RFX4: variants seen among roughly 807,000 people sequenced by gnomAD.
RFX4 encodes regulatory factor X4, also known as transcription factor RFX4.
Under a neutral mutation model 95.0 loss-of-function variants are expected in RFX4, and 10 were observed. The ratio of observed to expected loss-of-function variants is 0.11; its 90% CI spans 0.06 to 0.18. The LOEUF (loss-of-function observed/expected upper bound fraction) is 0.18. RFX4 is among the 10% of genes least tolerant of loss of function. The pLI, the probability that RFX4 is intolerant of heterozygous loss-of-function variation, is 1.00. For synonymous variants in RFX4, 321 were observed against 340.7 expected (o/e 0.94, Z 0.64); for missense variants, 640 against 922.0 (o/e 0.69, Z 3.96).
chr12:106,591,461 T>G (rs2137167415), intron 1 of RFX4, among the ~76,000 whole-genome samples: 1 of 152,086 alleles, frequency 6.6e-6, no homozygotes, highest in Non-Finnish European at 1.5e-5. Context: ...AGAGATGGGG[T>G]TTCACTATGT....
At chr12:106,692,202 C>T (rs1486482332) in intron 7 of RFX4, among the ~76,000 whole-genome samples, 1 of 151,462 alleles carries the variant, frequency 6.6e-6, no homozygotes, top group Admixed American at 6.6e-5. Context: ...GACTCGGGAA[C>T]GTCTTCTCCA....
At chr12:106,584,803 G>A (rs1440156392) in intron 1 of RFX4, among the ~76,000 whole-genome samples, 1 of 152,208 alleles carries the variant, frequency 6.6e-6, no homozygotes, top group Non-Finnish European at 1.5e-5. Flanking sequence ...CTAGAGTCAA[G>A]GCCCCGCCTG....
At chr12:106,685,635 A>AGT (rs1555231050) in intron 5 of RFX4, among the ~76,000 whole-genome samples, 3 of 152,184 alleles carry the variant, frequency 2.0e-5, no homozygotes, top group Non-Finnish European at 4.4e-5. Context: ...TATTTTTATT[A>AGT]AACTTTAAAA....
In RFX4 at chr12:106,698,593, G is replaced by A. The variant is rs529385191; in HGVS notation, c.833+2147G>A. Among the ~76,000 whole-genome samples, 14 of 152,180 alleles carry A rather than the reference G, an allele frequency of 9.2e-5. No individual in the cohort carries two copies. The South Asian group carries it at 1.7e-3, about 18-fold the overall frequency. ...TCATCAAAGTTATTTGATCAATAAC[G>A]AAAGTTACTCATCTTTAGTTTTCTT... On this transcript the variant is annotated intron_variant, in intron 8 of 17. Coordinates refer to ENST00000392842, the MANE Select transcript of RFX4 (RefSeq NM_213594.3).
chr12:106,684,712 G>A, intron 5 of RFX4: 1 of 1,492,682 alleles, frequency 6.7e-7, no homozygotes, highest in Non-Finnish European at 9.0e-7. Context: ...AGTTCCAGGT[G>A]GGAAGGCAGT....
At chr12:106,648,050 T>C (rs547213603) in intron 3 of RFX4, among the ~76,000 whole-genome samples, 17 of 152,304 alleles carry the variant, frequency 1.1e-4, no homozygotes, top group African/African-American at 4.1e-4. Flanking sequence ...AAGCAGAGGA[T>C]GTGGCTTTTC....
intron 2 of RFX4, among the ~76,000 whole-genome samples, chr12:106,610,124 A>T (rs1414506202): frequency 1.3e-5 from 2 of 151,946 alleles, no homozygotes; most frequent in Admixed American, 6.6e-5. Flanking sequence ...AGAATAAAAC[A>T]CTACTCGAGA....
At chr12:106,688,864 G>A (rs1022057886) in intron 6 of RFX4, among the ~76,000 whole-genome samples, 1 of 151,970 alleles carries the variant, frequency 6.6e-6, no homozygotes, top group Non-Finnish European at 1.5e-5. Context: ...ACTATACATT[G>A]GATTTTAACT....
intron 3 of RFX4, among the ~76,000 whole-genome samples, chr12:106,641,778 T>C (rs1017822568): frequency 5.9e-5 from 9 of 152,178 alleles, no homozygotes; most frequent in African/African-American, 2.2e-4. Flanking sequence ...CTTTATATTA[T>C]ATGTTTAAGA....
At chr12:106,661,971 G>A (rs1565969252) in intron 4 of RFX4, among the ~76,000 whole-genome samples, 4 of 151,592 alleles carry the variant, frequency 2.6e-5, no homozygotes, top group Non-Finnish European at 5.9e-5. Flanking sequence ...CTTACTGAAG[G>A]ATATTTTGGT....
intron 5 of RFX4, among the ~76,000 whole-genome samples, chr12:106,685,281 TTAGTAG>T (rs2041620424): frequency 1.3e-5 from 2 of 152,116 alleles, no homozygotes. Flanking sequence ...TAAGTGATTC[TTAGTAG>T]TAGTAAGGTT....
intron 1 of RFX4, among the ~76,000 whole-genome samples, chr12:106,592,876 T>C (rs1415423116): frequency 6.6e-6 from 1 of 152,202 alleles, no homozygotes; most frequent in African/African-American, 2.4e-5. Flanking sequence ...TTACTAACAC[T>C]GCAGTTTTTG....
intron 4 of RFX4, among the ~76,000 whole-genome samples, chr12:106,679,462 A>G (rs1002601770): frequency 7.8e-6 from 1 of 128,814 alleles, no homozygotes; most frequent in African/African-American, 3.0e-5. Context: ...CTCAGAAAAA[A>G]ACAAAAAAAA....
intron 8 of RFX4, among the ~76,000 whole-genome samples, chr12:106,697,317 G>A (rs563055145): frequency 6.6e-6 from 1 of 152,052 alleles, no homozygotes; most frequent in Non-Finnish European, 1.5e-5. Context: ...CCATGTATAA[G>A]GTATAAGGAG....
At chr12:106,631,680 C>A (rs138764669) in intron 2 of RFX4, among the ~76,000 whole-genome samples, 28 of 152,342 alleles carry the variant, frequency 1.8e-4, no homozygotes, top group African/African-American at 6.5e-4. Flanking sequence ...GTGCCTTCAT[C>A]TTGAACTTCC....
At chr12:106,660,139 T>C (rs1389725905) in intron 4 of RFX4, among the ~76,000 whole-genome samples, 1 of 152,086 alleles carries the variant, frequency 6.6e-6, no homozygotes, top group African/African-American at 2.4e-5. Flanking sequence ...CATGTCTGTG[T>C]GGACCCAGCC....
intron 10 of RFX4, among the ~76,000 whole-genome samples, chr12:106,712,390 T>G (rs2042207723): frequency 6.6e-6 from 1 of 152,152 alleles, no homozygotes; most frequent in South Asian, 2.1e-4. Flanking sequence ...GCCACCGTCC[T>G]CATTCCACCA....
At chr12:106,588,764 C>A (rs1048933224) in intron 1 of RFX4, among the ~76,000 whole-genome samples, 1 of 152,164 alleles carries the variant, frequency 6.6e-6, no homozygotes, top group Non-Finnish European at 1.5e-5. Flanking sequence ...TATGTCAAAT[C>A]TTCTGGGTAC....
chr12:106,734,048 A>C (rs1017455748), intron 15 of RFX4, among the ~76,000 whole-genome samples: 5 of 152,238 alleles, frequency 3.3e-5, no homozygotes, highest in Non-Finnish European at 7.3e-5. Flanking sequence ...TGAAGATAGT[A>C]TGCTTAATGA....
Sources: gnomAD v4.1 joint callset for allele counts (sites outside exome capture counted in the v4.1 genomes callset) on GRCh38, gnomAD v4.1.1 for gene constraint, MANE v1.5 for transcripts, NCBI Gene and HGNC (gene_info 2026-07-23, HGNC 2026-07-21) for gene names.